The following COL11A1 variants were observed in gnomAD, a reference collection of about 807,000 sequenced individuals.
The protein encoded by COL11A1 is collagen alpha-1(XI) chain.
A neutral mutation model predicts 265.2 loss-of-function variants in COL11A1; 74 were observed. The ratio of observed to expected loss-of-function variants is 0.28; its 90% CI spans 0.23 to 0.34. The LOEUF is 0.34. COL11A1 is among the 10% of genes least tolerant of loss of function. The pLI is 1.00. For synonymous variants in COL11A1, 816 were observed against 727.6 expected (o/e 1.12, Z -1.96); for missense variants, 2,165 against 2,263.6 (o/e 0.96, Z 0.88).
intron 48 of COL11A1, 122 bp downstream of exon 48, chr1:102,921,396 T>C (rs1215015488): frequency 1.3e-5 from 10 of 764,524 alleles, no homozygotes; most frequent in Non-Finnish European, 1.9e-5. Context: ...GACCCTTGAG[T>C]TCTTAACCAC....
At chr1:102,934,604 G>A (rs369906442) in intron 45 of COL11A1, 48 bp from the exon 46 acceptor site, 22 of 1,393,892 alleles carry the variant, frequency 1.6e-5, no homozygotes, top group East Asian at 9.1e-5. Flanking sequence ...AAATCATTAC[G>A]ATATGAGTCA....
intron 41 of COL11A1, among the ~76,000 whole-genome samples, chr1:102,950,356 G>A (rs1412031569): frequency 2.1e-5 from 3 of 142,448 alleles, no homozygotes; most frequent in African/African-American, 3.1e-5. Context: ...AACAAAGGAC[G>A]TTTTCACTTT....
chr1:102,997,268 A>T (rs1349422897), intron 25 of COL11A1, 144 bp from the exon 26 acceptor site: 3 of 742,002 alleles, frequency 4.0e-6, no homozygotes, highest in African/African-American at 3.5e-5. Flanking sequence ...ATCAGTGTGT[A>T]TGGCTTTAAA....
At chr1:103,050,194 G>C (rs1218757025) in intron 4 of COL11A1, among the ~76,000 whole-genome samples, 1 of 152,214 alleles carries the variant, frequency 6.6e-6, no homozygotes, top group Admixed American at 6.5e-5. Context: ...CCTGCAGAGT[G>C]TTTTCCAACT....
chr1:103,058,103 C>G (rs1232749507), intron 4 of COL11A1, among the ~76,000 whole-genome samples: 1 of 152,162 alleles, frequency 6.6e-6, no homozygotes, highest in Non-Finnish European at 1.5e-5. Flanking sequence ...CAACAATTTA[C>G]CTTAGCTAGA....
intron 46 of COL11A1, among the ~76,000 whole-genome samples, chr1:102,932,701 C>G (rs975882079): frequency 1.1e-4 from 16 of 151,702 alleles, no homozygotes; most frequent in African/African-American, 3.9e-4. Context: ...CAACTTGGTT[C>G]CATTCTCCCT....
In COL11A1 at chr1:103,082,655, A is replaced by T. The variant is rs1337184; in HGVS notation, c.274+150T>A. 102,890 of 690,170 alleles carry T rather than the reference A, an allele frequency of 0.15. 8,562 individuals carry two copies. The highest frequency in any genetic ancestry group is 0.18 in the Admixed American group (6,126 of 33,852). 42.8% of individuals were successfully genotyped at this position (690,170 alleles called of 1,614,324 possible). A position where few individuals can be genotyped will look rare whatever the true frequency, so the allele number is the denominator to read the frequency against. ...CACAAGGTATTTGGTGTCTGATATAAGAAAGAATTGCATTTTACCATATAA... is the reference window on the plus strand; with the variant it reads ...CACAAGGTATTTGGTGTCTGATATATGAAAGAATTGCATTTTACCATATAA... On this transcript the variant is annotated intron_variant, in intron 2 of 66. Transcript: ENST00000370096.
intron 32 of COL11A1, 137 bp downstream of exon 32, chr1:102,979,245 C>T (rs1202929640): frequency 4.1e-6 from 5 of 1,230,378 alleles, no homozygotes; most frequent in Non-Finnish European, 5.9e-6. Context: ...GCTATGCTGC[C>T]CAGGCTGGCC....
At chr1:102,881,343 C>A (rs1339988644) in intron 65 of COL11A1, among the ~76,000 whole-genome samples, 1 of 151,938 alleles carries the variant, frequency 6.6e-6, no homozygotes. Flanking sequence ...TTCAAGCAGA[C>A]AGAAAGTGAA....
At chr1:103,106,419 C>A (rs2102443058) in intron 1 of COL11A1, among the ~76,000 whole-genome samples, 1 of 152,206 alleles carries the variant, frequency 6.6e-6, no homozygotes, top group East Asian at 1.9e-4. Context: ...ATCAAAGGTC[C>A]TTTTCCAGTA....
intron 63 of COL11A1, among the ~76,000 whole-genome samples, chr1:102,885,942 C>T (rs915403114): frequency 6.6e-6 from 1 of 152,106 alleles, no homozygotes; most frequent in East Asian, 1.9e-4. Context: ...TTTGTGACAT[C>T]CTTTTTTTTA....
At chr1:103,010,684 C>G (rs982675139) in intron 14 of COL11A1, among the ~76,000 whole-genome samples, 1 of 151,614 alleles carries the variant, frequency 6.6e-6, no homozygotes, top group African/African-American at 2.4e-5. Context: ...TTTAGATATC[C>G]TAGGACTGAT....
At chr1:103,006,377 A>G in intron 15 of COL11A1, 62 bp from the exon 16 acceptor site, 1 of 1,262,550 alleles carries the variant, frequency 7.9e-7, no homozygotes. Flanking sequence ...ACTCAATAGC[A>G]TCAAGAGAGA....
chr1:103,005,969 G>A (rs1279838574), intron 17 of COL11A1, 78 bp from the exon 18 acceptor site: 10 of 1,611,034 alleles, frequency 6.2e-6, no homozygotes, highest in South Asian at 2.2e-5. Context: ...ATTTAAATGC[G>A]AAATATTCTC....
intron 42 of COL11A1, among the ~76,000 whole-genome samples, chr1:102,943,215 C>T (rs1032834264): frequency 6.6e-6 from 1 of 151,976 alleles, no homozygotes; most frequent in African/African-American, 2.4e-5. Context: ...GTTCCATGCC[C>T]TGCTTGAGGT....
At chr1:103,074,460 A>C (rs1168023646) in intron 4 of COL11A1, among the ~76,000 whole-genome samples, 158 bp downstream of exon 4, 1 of 152,150 alleles carries the variant, frequency 6.6e-6, no homozygotes, top group African/African-American at 2.4e-5. Flanking sequence ...GAACAATAGA[A>C]AACATCACCA....
chr1:102,938,298 GA>G (rs796698848), intron 44 of COL11A1, among the ~76,000 whole-genome samples: 13 of 145,468 alleles, frequency 8.9e-5, no homozygotes, highest in South Asian at 8.6e-4. Context: ...CATACTAGGT[GA>G]AAAAAAAAAC....
chr1:102,888,595 T>A lies in COL11A1; in HGVS notation c.4590A>T (p.Pro1530=). The change falls in exon 62 of 67, where the codon CCA becomes CCT. Residue 1530 remains proline (P), a synonymous_variant. Coordinates refer to ENST00000370096, the MANE Select transcript of COL11A1 (RefSeq NM_001854.4). ...TACTTACTGGAGACCCAGGAGGCCCTGGAAGACCACTGTCACCTTTCTGGC... is the reference window on the plus strand; with the variant it reads ...TACTTACTGGAGACCCAGGAGGCCCAGGAAGACCACTGTCACCTTTCTGGC... ...PAGQKGDSGL[P]GPPGSPGPPG... 6.2e-7 allele frequency: 1 copy of A among 1,613,580 alleles called. No individual in the cohort carries two copies. The highest frequency in any genetic ancestry group is 8.5e-7 in the Non-Finnish European group (1 of 1,179,562).
intron 41 of COL11A1, among the ~76,000 whole-genome samples, chr1:102,947,573 C>T (rs1464715772): frequency 6.6e-6 from 1 of 152,008 alleles, no homozygotes; most frequent in East Asian, 1.9e-4. Context: ...CTTATGAACA[C>T]TGATGAGATC....
Sources: gnomAD v4.1 joint callset for allele counts (sites outside exome capture counted in the v4.1 genomes callset) on GRCh38, gnomAD v4.1.1 for gene constraint, MANE v1.5 for transcripts, NCBI Gene and HGNC (gene_info 2026-07-23, HGNC 2026-07-21) for gene names.